Variants in GABPB1 observed in about 807,000 individuals in gnomAD.
The protein encoded by GABPB1 is GA-binding protein subunit beta-1.
GABPB1 carries 15 observed loss-of-function variants against 45.9 expected under a neutral mutation model. The ratio of observed to expected loss-of-function variants is 0.33; its 90% CI spans 0.22 to 0.50. GABPB1 has a LOEUF of 0.50. GABPB1 is among the 20% of genes least tolerant of loss of function. The probability of loss-of-function intolerance (pLI) is 0.98; values close to 1 mark genes in which losing one functional copy is unlikely to be tolerated. For missense variants in GABPB1, 252 were observed against 457.5 expected (o/e 0.55, Z 4.10); for synonymous variants, 143 against 154.4 (o/e 0.93, Z 0.55).
intron 1 of GABPB1, among the ~76,000 whole-genome samples, chr15:50,312,377 T>C (rs970270148): frequency 6.6e-6 from 1 of 152,202 alleles, no homozygotes; most frequent in African/African-American, 2.4e-5. Context: ...TTCCTTTTTT[T>C]CTCCTATTCT....
intron 6 of GABPB1, among the ~76,000 whole-genome samples, chr15:50,297,444 G>A (rs2046562162): frequency 6.6e-6 from 1 of 151,996 alleles, no homozygotes. Flanking sequence ...TTGAACTCCT[G>A]ACCTCGTAAC....
chr15:50,313,780 G>A (rs1047430336), intron 1 of GABPB1, among the ~76,000 whole-genome samples: 1 of 152,012 alleles, frequency 6.6e-6, no homozygotes, highest in Admixed American at 6.6e-5. Flanking sequence ...CAATTGTTTA[G>A]GATGGTATGA....
chr15:50,307,071 G>T (rs868779918), intron 2 of GABPB1, among the ~76,000 whole-genome samples: 1 of 151,966 alleles, frequency 6.6e-6, no homozygotes, highest in African/African-American at 2.4e-5. Context: ...CTTCTCTCGG[G>T]AATAGTCTTA....
intron 8 of GABPB1, among the ~76,000 whole-genome samples, chr15:50,281,336 T>C (rs993515292): frequency 1.1e-4 from 17 of 152,148 alleles, no homozygotes; most frequent in African/African-American, 2.7e-4. Flanking sequence ...ATCAGCCTCC[T>C]GAGTAGCTGG....
intron 1 of GABPB1, chr15:50,354,082 C>T (rs2048975878): frequency 3.4e-6 from 1 of 293,934 alleles, no homozygotes; most frequent in Non-Finnish European, 6.6e-6. Flanking sequence ...TGTATCATTC[C>T]TTTGGTTTCA....
intron 1 of GABPB1, among the ~76,000 whole-genome samples, chr15:50,328,376 T>C (rs2047841787): frequency 6.6e-6 from 1 of 152,208 alleles, no homozygotes; most frequent in African/African-American, 2.4e-5. Flanking sequence ...CATTGATTTG[T>C]TGAAAAGAAT....
At chr15:50,289,693 A>G in intron 6 of GABPB1, 25 bp from the exon 7 acceptor site, 1 of 1,562,090 alleles carries the variant, frequency 6.4e-7, no homozygotes, top group Non-Finnish European at 8.7e-7. Flanking sequence ...AAGAAAACTC[A>G]GCAAACATAT....
rs1355834345 is a variant in GABPB1, at chr15:50,300,943, T to C, written c.584-41A>G. ...AAATAGATTTGAATTTCTAAGGAGC[T>C]TAATCCAATGCATATTTCTGATATT... is the stretch of plus-strand genomic sequence containing the variant. On this transcript the variant is annotated intron_variant, in intron 5 of 8. Transcript: ENST00000380877. 2.6e-6 allele frequency: 3 copies of C among 1,166,550 alleles called. No individual in the cohort carries two copies. In the African/African-American group the frequency reaches 4.6e-5, roughly 18 times the overall value. 72.3% of individuals were successfully genotyped at this position (1,166,550 alleles called of 1,614,324 possible).
At chr15:50,281,479 A>G (rs7179819) in intron 8 of GABPB1, among the ~76,000 whole-genome samples, 100,042 of 152,104 alleles carry the variant, frequency 0.66, 33,873 homozygotes, top group African/African-American at 0.82. Context: ...CCAAAGTGCT[A>G]GGATTACAGG....
chr15:50,317,767 A>C (rs1426560159), intron 1 of GABPB1, among the ~76,000 whole-genome samples: 1 of 151,804 alleles, frequency 6.6e-6, no homozygotes, highest in Non-Finnish European at 1.5e-5. Flanking sequence ...AAATTAGCTG[A>C]GCGTGGTGAT....
intron 2 of GABPB1, 56 bp from the exon 3 acceptor site, chr15:50,304,189 G>C: frequency 7.2e-7 from 1 of 1,397,414 alleles, no homozygotes; most frequent in Non-Finnish European, 9.6e-7. Context: ...CTACACTTCT[G>C]TTTATATAGT....
intron 2 of GABPB1, among the ~76,000 whole-genome samples, chr15:50,306,249 G>T (rs112503261): frequency 8.1e-4 from 123 of 152,186 alleles, no homozygotes; most frequent in African/African-American, 2.9e-3. Flanking sequence ...GATTACAAGC[G>T]TAAGCCACTG....
intron 6 of GABPB1, among the ~76,000 whole-genome samples, chr15:50,298,469 T>G (rs1567493919): frequency 6.6e-6 from 1 of 152,234 alleles, no homozygotes; most frequent in African/African-American, 2.4e-5. Flanking sequence ...TTCTTTGCTA[T>G]GCTTCTGCAA....
intron 1 of GABPB1, among the ~76,000 whole-genome samples, chr15:50,319,933 T>G (rs1034284867): frequency 1.3e-5 from 2 of 152,256 alleles, no homozygotes; most frequent in Admixed American, 6.5e-5. Context: ...AACACATCCT[T>G]GTGTTCTCAG....
intron 7 of GABPB1, 39 bp downstream of exon 7, chr15:50,289,444 A>AT: frequency 7.1e-7 from 1 of 1,401,252 alleles, no homozygotes. Flanking sequence ...AATTAAAAAA[A>AT]AAAAACATAC....
chr15:50,346,545 T>C (rs905110246), intron 1 of GABPB1: 3 of 150,670 alleles, frequency 2.0e-5, no homozygotes, highest in Non-Finnish European at 4.4e-5. Context: ...TGGGTTGCTG[T>C]AACAAAATAC....
chr15:50,339,936 T>C (rs955661745), intron 1 of GABPB1, among the ~76,000 whole-genome samples: 6 of 152,222 alleles, frequency 3.9e-5, no homozygotes, highest in African/African-American at 1.4e-4. Context: ...TCTTCCACTC[T>C]TCCCTCTGCC....
chr15:50,343,068 T>A (rs561216310), intron 1 of GABPB1, among the ~76,000 whole-genome samples: 52 of 152,168 alleles, frequency 3.4e-4, no homozygotes, highest in African/African-American at 1.2e-3. Context: ...CCCGGCTAAT[T>A]TTTTGTATTT....
intron 1 of GABPB1, among the ~76,000 whole-genome samples, chr15:50,310,648 C>T (rs2047099046): frequency 6.6e-6 from 1 of 152,056 alleles, no homozygotes; most frequent in Admixed American, 6.6e-5. Context: ...TATGAAAATA[C>T]TAAAAACAGT....
Sources: allele counts gnomAD v4.1 joint callset (sites outside exome capture counted in the v4.1 genomes callset), GRCh38; gene constraint gnomAD v4.1.1; transcripts MANE v1.5; gene names NCBI Gene and HGNC (gene_info 2026-07-23, HGNC 2026-07-21).